Variants in FSTL5 observed in about 807,000 individuals in gnomAD.
FSTL5 encodes follistatin-related protein 5.
In FSTL5, 62 loss-of-function variants were observed where a neutral mutation model predicts 89.1. The ratio of observed to expected loss-of-function variants is 0.70; its 90% CI spans 0.57 to 0.86. The LOEUF (loss-of-function observed/expected upper bound fraction) is 0.86, where lower values mean the gene tolerates loss of function less well. Among genes scored for constraint, FSTL5 ranks in the 40% least tolerant of loss-of-function variants. The pLI is 0.00. For missense variants in FSTL5, 1,057 were observed against 1,001.6 expected, an observed-to-expected ratio of 1.06 and a Z score of -0.75; for synonymous variants, 383 against 346.2, an observed-to-expected ratio of 1.11 and a Z score of -1.18.
intron 6 of FSTL5, among the ~76,000 whole-genome samples, chr4:161,695,171 A>G (rs981611135): frequency 1.3e-5 from 2 of 151,920 alleles, no homozygotes; most frequent in African/African-American, 4.8e-5. Context: ...AGCAGCATAC[A>G]CTACACCGTA....
intron 15 of FSTL5, among the ~76,000 whole-genome samples, chr4:161,409,376 TTTA>T (rs1309459797): frequency 2.6e-5 from 4 of 151,824 alleles, no homozygotes; most frequent in Admixed American, 2.0e-4. Flanking sequence ...GAATTATTAT[TTTA>T]TTATTATTAT....
chr4:161,756,340 C>A (rs994339296), intron 6 of FSTL5, among the ~76,000 whole-genome samples: 1 of 151,822 alleles, frequency 6.6e-6, no homozygotes, highest in Non-Finnish European at 1.5e-5. Context: ...AAATGTAGAC[C>A]CTTTGTATTA....
intron 4 of FSTL5, among the ~76,000 whole-genome samples, chr4:161,882,661 A>G (rs1732670545): frequency 6.6e-6 from 1 of 152,168 alleles, no homozygotes; most frequent in South Asian, 2.1e-4. Context: ...CATCTAGAGT[A>G]TGTTCCATTT....
chr4:161,464,772 A>T (rs1308004616), intron 13 of FSTL5, among the ~76,000 whole-genome samples: 1 of 152,116 alleles, frequency 6.6e-6, no homozygotes, highest in Non-Finnish European at 1.5e-5. Context: ...TATTATTAAG[A>T]TCATGATCAT....
intron 1 of FSTL5, among the ~76,000 whole-genome samples, chr4:162,141,984 AG>A (rs1020402856): frequency 6.6e-5 from 10 of 152,174 alleles, no homozygotes; most frequent in Admixed American, 6.5e-5. Flanking sequence ...TCTCCACCAA[AG>A]GTAATTTTGT....
At chr4:161,740,398 A>G (rs1006367910) in intron 6 of FSTL5, among the ~76,000 whole-genome samples, 2 of 152,084 alleles carry the variant, frequency 1.3e-5, no homozygotes, top group Non-Finnish European at 2.9e-5. Flanking sequence ...GAATTTTTAT[A>G]TACTATCTAA....
chr4:161,445,126 T>G (rs543801316), intron 15 of FSTL5, among the ~76,000 whole-genome samples: 8 of 152,094 alleles, frequency 5.3e-5, no homozygotes, highest in African/African-American at 1.9e-4. Context: ...ATTCAGACTT[T>G]AAAATCGATA....
chr4:161,903,151 C>A (rs1733420013), intron 4 of FSTL5, among the ~76,000 whole-genome samples: 1 of 151,860 alleles, frequency 6.6e-6, no homozygotes, highest in Admixed American at 6.6e-5. Flanking sequence ...CATTTTTTTT[C>A]ATGTCATCCA....
At position 161,615,953 on chromosome 4, in the gene FSTL5, C is replaced by A. The variant is rs183349897; in HGVS notation, c.895-28378G>T. ...TCTGCCAAAAGTTATTTTATTATGT[C>A]AAACCCTTTAAAATTACTTGGATTC... On this transcript the variant is annotated intron_variant, in intron 7 of 15. Coordinates refer to ENST00000306100, the MANE Select transcript of FSTL5 (RefSeq NM_020116.5). Among the ~76,000 whole-genome samples, 7 of 152,168 alleles carry A rather than the reference C, an allele frequency of 4.6e-5. No homozygotes were observed. The East Asian group carries it at 1.4e-3, about 29-fold the overall frequency.
At chr4:161,848,582 T>C (rs1731450738) in intron 4 of FSTL5, among the ~76,000 whole-genome samples, 1 of 152,204 alleles carries the variant, frequency 6.6e-6, no homozygotes, top group South Asian at 2.1e-4. Context: ...TGTAGCATTA[T>C]TTTTTCATGG....
At chr4:161,466,358 T>C (rs1185632043) in intron 13 of FSTL5, among the ~76,000 whole-genome samples, 1 of 152,082 alleles carries the variant, frequency 6.6e-6, no homozygotes, top group Non-Finnish European at 1.5e-5. Context: ...ACTTCTAAAT[T>C]TGAAATACTG....
intron 1 of FSTL5, among the ~76,000 whole-genome samples, chr4:162,156,589 G>A (rs1733483259): frequency 6.6e-6 from 1 of 152,156 alleles, no homozygotes; most frequent in African/African-American, 2.4e-5. Context: ...CATGTCCTGT[G>A]CAGCAATGTG....
intron 2 of FSTL5, among the ~76,000 whole-genome samples, chr4:162,085,625 T>C (rs947552627): frequency 6.6e-6 from 1 of 152,100 alleles, no homozygotes; most frequent in Admixed American, 6.6e-5. Context: ...AGCCAGGTGT[T>C]ACATCACCAG....
At chr4:161,706,259 C>T (rs560031671) in intron 6 of FSTL5, among the ~76,000 whole-genome samples, 54 of 151,344 alleles carry the variant, frequency 3.6e-4, no homozygotes, top group Admixed American at 1.4e-3. Context: ...AGGAGGAAGC[C>T]ACTGTCTGTA....
intron 13 of FSTL5, among the ~76,000 whole-genome samples, chr4:161,474,524 A>T (rs913392544): frequency 1.5e-4 from 22 of 148,824 alleles, no homozygotes; most frequent in African/African-American, 7.4e-5. Flanking sequence ...TCTTCACATG[A>T]CTTCAAGTTA....
chr4:161,532,198 TCC>T (rs1731435251), intron 10 of FSTL5, among the ~76,000 whole-genome samples: 1 of 145,160 alleles, frequency 6.9e-6, no homozygotes, highest in African/African-American at 2.5e-5. Context: ...AGACTCCATC[TCC>T]AAAAAAAAAA....
At chr4:161,924,249 G>T (rs2110873894) in intron 3 of FSTL5, among the ~76,000 whole-genome samples, 1 of 151,246 alleles carries the variant, frequency 6.6e-6, no homozygotes, top group Non-Finnish European at 1.5e-5. Context: ...AATTTAAAAA[G>T]AGATAAAAAT....
intron 2 of FSTL5, among the ~76,000 whole-genome samples, chr4:162,080,642 T>A (rs1425590697): frequency 6.6e-6 from 1 of 151,680 alleles, no homozygotes; most frequent in East Asian, 1.9e-4. Context: ...TTTCCTTGTA[T>A]GACGTATTTC....
intron 4 of FSTL5, among the ~76,000 whole-genome samples, chr4:161,879,912 G>T (rs1190229993): frequency 6.6e-6 from 1 of 152,104 alleles, no homozygotes; most frequent in Non-Finnish European, 1.5e-5. Flanking sequence ...ATAGCTCCAT[G>T]GGAGCAACAG....
Sources: allele counts gnomAD v4.1 joint callset (sites outside exome capture counted in the v4.1 genomes callset), GRCh38; gene constraint gnomAD v4.1.1; transcripts MANE v1.5; gene names NCBI Gene and HGNC (gene_info 2026-07-23, HGNC 2026-07-21).